Variants in NELL2 observed in about 807,000 individuals in gnomAD.
The protein encoded by NELL2 is neural EGFL like 2, also known as protein kinase C-binding protein NELL2.
NELL2 carries 41 observed loss-of-function variants against 109.6 expected under a neutral mutation model. The ratio of observed to expected loss-of-function variants is 0.37; its 90% CI spans 0.29 to 0.49. The LOEUF (loss-of-function observed/expected upper bound fraction) is 0.49, where lower values mean the gene tolerates loss of function less well. NELL2 is among the 20% of genes least tolerant of loss of function. NELL2 has a pLI of 0.98. For missense variants in NELL2, 900 were observed against 1,008.3 expected (o/e 0.89, Z 1.45); for synonymous variants, 355 against 344.7 (o/e 1.03, Z -0.33).
chr12:44,753,421 G>A (rs548326476), intron 9 of NELL2, among the ~76,000 whole-genome samples: 5 of 152,216 alleles, frequency 3.3e-5, no homozygotes, highest in Non-Finnish European at 5.9e-5. Flanking sequence ...AATTCTAACT[G>A]GTTTTTCTTT....
chr12:44,540,156 C>A (rs1221126362), intron 15 of NELL2, among the ~76,000 whole-genome samples: 1 of 152,094 alleles, frequency 6.6e-6, no homozygotes, highest in African/African-American at 2.4e-5. Flanking sequence ...TACATCAACA[C>A]CTCTGATTAA....
chr12:44,880,114 T>C (rs959011876), upstream of NELL2, among the ~76,000 whole-genome samples: 85 of 137,124 alleles, frequency 6.2e-4, 1 homozygote, highest in African/African-American at 2.1e-3. Flanking sequence ...TCAAGAAACA[T>C]ACACACACAC....
At chr12:44,862,625 A>G (rs192344100) in intron 2 of NELL2, among the ~76,000 whole-genome samples, 11 of 152,366 alleles carry the variant, frequency 7.2e-5, no homozygotes, top group Admixed American at 2.0e-4. Flanking sequence ...GCAAAATTCA[A>G]TGAGTGCTGA....
At chr12:44,567,233 T>A (rs547803552) in intron 15 of NELL2, among the ~76,000 whole-genome samples, 1 of 152,326 alleles carries the variant, frequency 6.6e-6, no homozygotes, top group African/African-American at 2.4e-5. Context: ...TGTAACTCCA[T>A]CCTCATTTCT....
intron 3 of NELL2, among the ~76,000 whole-genome samples, chr12:44,791,121 G>GTATATATATATATGTA (rs1942396901): frequency 4.1e-5 from 1 of 24,212 alleles, no homozygotes; most frequent in Admixed American, 7.1e-4. Flanking sequence ...ATATATATAT[G>GTATATATATATATGTA]TATATATATA....
rs560444656 is a variant in NELL2, at chr12:44,611,174, T to C, written c.1445-204A>G. ...AGTTCACACATTCACAAACATTGAA[T>C]GCAAAATAATTTGGACAAAAGGCCT... is the stretch of plus-strand genomic sequence containing the variant. On this transcript the variant is annotated intron_variant, in intron 13 of 19. Coordinates refer to ENST00000429094, the MANE Select transcript of NELL2 (RefSeq NM_001145108.2). 9.9e-5 allele frequency among the ~76,000 whole-genome samples: 15 copies of C among 152,166 alleles called. No individual in the cohort carries two copies. The East Asian group carries it at 2.9e-3, about 29-fold the overall frequency.
At chr12:44,769,014 T>A (rs1264960713) in intron 9 of NELL2, among the ~76,000 whole-genome samples, 1 of 151,024 alleles carries the variant, frequency 6.6e-6, no homozygotes, top group East Asian at 1.9e-4. Context: ...CAAAAAAAAA[T>A]TATTGGTGAA....
intron 19 of NELL2, among the ~76,000 whole-genome samples, chr12:44,512,518 T>C (rs1206720745): frequency 2.0e-5 from 3 of 152,088 alleles, no homozygotes; most frequent in African/African-American, 7.2e-5. Context: ...ATTGAAGATA[T>C]ATCTGAACCC....
intron 2 of NELL2, among the ~76,000 whole-genome samples, chr12:44,864,093 G>A: frequency 6.6e-6 from 1 of 152,028 alleles, no homozygotes; most frequent in East Asian, 1.9e-4. Flanking sequence ...AGGAATCAAA[G>A]CATACCACCA....
At chr12:44,832,471 C>T (rs10506258) in intron 2 of NELL2, among the ~76,000 whole-genome samples, 121,218 of 152,142 alleles carry the variant, frequency 0.8, 48,840 homozygotes, top group Middle Eastern at 0.94. Context: ...GTGTAGGGAT[C>T]AATTCTGTAA....
At chr12:44,876,482 A>G (rs555996028), upstream of NELL2, 20 of 1,345,548 alleles carry the variant, frequency 1.5e-5, no homozygotes, top group South Asian at 3.6e-4. Context: ...TAGGGAGCCC[A>G]GGAGCCGTTG....
At chr12:44,531,714 G>C (rs76076620) in intron 16 of NELL2, among the ~76,000 whole-genome samples, 7 of 152,308 alleles carry the variant, frequency 4.6e-5, no homozygotes, top group Admixed American at 4.6e-4. Flanking sequence ...CTTTAGGTTA[G>C]ATTGTCAAAA....
At chr12:44,663,324 A>G (rs1481229127) in intron 13 of NELL2, among the ~76,000 whole-genome samples, 1 of 152,226 alleles carries the variant, frequency 6.6e-6, no homozygotes, top group African/African-American at 2.4e-5. Context: ...TCTCTAAAAA[A>G]AATCCAAGTT....
chr12:44,749,978 A>G (rs936380622), intron 9 of NELL2, among the ~76,000 whole-genome samples: 4 of 137,062 alleles, frequency 2.9e-5, no homozygotes, highest in Non-Finnish European at 4.4e-5. Context: ...AGCAGGGAGA[A>G]AAAAAAAGGA....
intron 2 of NELL2, among the ~76,000 whole-genome samples, chr12:44,844,912 T>G (rs898194716): frequency 6.6e-6 from 1 of 152,112 alleles, no homozygotes; most frequent in African/African-American, 2.4e-5. Flanking sequence ...TTTTTTAAAA[T>G]TATAATTAAT....
chr12:44,608,679 C>T (rs541696174), intron 14 of NELL2, among the ~76,000 whole-genome samples: 1 of 151,728 alleles, frequency 6.6e-6, no homozygotes, highest in South Asian at 2.1e-4. Context: ...ATTCTTCATA[C>T]TACATAGGAA....
intron 9 of NELL2, among the ~76,000 whole-genome samples, chr12:44,765,862 C>T (rs1416534341): frequency 2.0e-5 from 3 of 152,174 alleles, no homozygotes; most frequent in African/African-American, 4.8e-5. Context: ...CAGTGGCTCA[C>T]GCCTGTAATC....
chr12:44,600,024 C>T (rs1323388542), intron 15 of NELL2, among the ~76,000 whole-genome samples: 3 of 145,382 alleles, frequency 2.1e-5, no homozygotes, highest in Non-Finnish European at 3.0e-5. Context: ...TGCAGTGGCG[C>T]GATATCTGCT....
At chr12:44,607,436 TG>T (rs1482673512) in intron 14 of NELL2, among the ~76,000 whole-genome samples, 172 bp from the exon 15 acceptor site, 1 of 152,098 alleles carries the variant, frequency 6.6e-6, no homozygotes, top group Non-Finnish European at 1.5e-5. Flanking sequence ...CAACACAACT[TG>T]TAAAACAGTA....
Sources: allele counts gnomAD v4.1 joint callset (sites outside exome capture counted in the v4.1 genomes callset), GRCh38; gene constraint gnomAD v4.1.1; transcripts MANE v1.5; gene names NCBI Gene and HGNC (gene_info 2026-07-23, HGNC 2026-07-21).